The following CAMTA2 variants were observed in gnomAD, a reference collection of about 807,000 sequenced individuals.
CAMTA2 encodes calmodulin-binding transcription activator 2.
A neutral mutation model predicts 135.7 loss-of-function variants in CAMTA2; 56 were observed. The ratio of observed to expected loss-of-function variants is 0.41; its 90% CI spans 0.33 to 0.52. CAMTA2 has a LOEUF of 0.52. Among genes scored for constraint, CAMTA2 ranks in the 20% least tolerant of loss-of-function variants. CAMTA2 has a pLI of 0.16. For missense variants in CAMTA2, 1,358 were observed against 1,553.4 expected (o/e 0.87, Z 2.11); for synonymous variants, 591 against 604.6 (o/e 0.98, Z 0.33).
At position 4,972,341 on chromosome 17, in the gene CAMTA2, G is replaced by C. The variant is rs141604881; in HGVS notation, c.2699C>G (p.Ala900Gly). The C allele has an allele frequency of 1.4e-4, 230 of 1,613,460 alleles. No individual in the cohort carries two copies. The highest frequency in any genetic ancestry group is 1.6e-4 in the Middle Eastern group (1 of 6,084). ...GGAGAGGGGCCCCTTGGAGTTGGTA[G>C]CCTCATAGTCCATGAGGAGTAGGGG... ...EAPLLLMDYE[A>G]TNSKGPLSSL... is the part of the protein sequence containing the mutation. Residue 900 changes from alanine to glycine, a missense_variant, in exon 16 of 23, where the codon GCT becomes GGT. Physicochemically the swap from Ala to Gly is moderately conservative, Grantham distance 60 (BLOSUM62 0). Around this residue, in one of 4 missense-constraint regions of CAMTA2, gnomAD observed 1,077 missense variants for 1,127.5 expected, o/e 0.96. Coordinates refer to ENST00000348066, the MANE Select transcript of CAMTA2 (RefSeq NM_015099.4).
intron 12 of CAMTA2, chr17:4,974,074 CT>C: frequency 1.9e-6 from 1 of 529,868 alleles, no homozygotes; most frequent in Admixed American, 3.4e-5. Flanking sequence ...CCTTAGCCCT[CT>C]TCTTTCAGAA....
chr17:4,979,574 A>G, intron 9 of CAMTA2, 110 bp downstream of exon 9: 1 of 698,618 alleles, frequency 1.4e-6, no homozygotes, highest in Non-Finnish European at 2.4e-6. Flanking sequence ...AAGCCATGAA[A>G]ACTGAGGGAA....
At chr17:4,976,934 T>G in intron 11 of CAMTA2, 124 bp downstream of exon 11, 2 of 922,500 alleles carry the variant, frequency 2.2e-6, no homozygotes, top group Non-Finnish European at 3.2e-6. Flanking sequence ...GAAATAGGAA[T>G]TGAAAAAAAA....
chr17:4,987,663 G>A lies in CAMTA2; in HGVS notation c.-135C>T, dbSNP rs1973454352. On this transcript the variant is annotated 5_prime_UTR_variant, in exon 1 of 23. Coordinates refer to ENST00000348066, the MANE Select transcript of CAMTA2 (RefSeq NM_015099.4). Reference sequence around the variant, plus strand: ...ACACCGACCCCCCCCAGCGCCGGCTGACAGCGGCGTCTAACGTCACTGCGC... The same window carrying A: ...ACACCGACCCCCCCCAGCGCCGGCTAACAGCGGCGTCTAACGTCACTGCGC... The A allele has an allele frequency of 6.6e-7, 1 of 1,519,886 alleles. No homozygotes were observed. The allele number at this position is 1,519,886 out of a possible 1,614,324, so 94.1% of individuals were successfully genotyped here. A position where few individuals can be genotyped will look rare whatever the true frequency, so the allele number is the denominator to read the frequency against.
chr17:4,974,887 A>C (rs558552035), intron 11 of CAMTA2, among the ~76,000 whole-genome samples: 2 of 152,112 alleles, frequency 1.3e-5, no homozygotes, highest in African/African-American at 4.8e-5. Context: ...TTTGTCCCCC[A>C]TGGTGAAGGT....
chr17:4,973,063 G>T, intron 14 of CAMTA2, 72 bp from the exon 15 acceptor site: 1 of 1,509,892 alleles, frequency 6.6e-7, no homozygotes, highest in Non-Finnish European at 9.2e-7. Context: ...CAGGTAGTCA[G>T]GTCTTCAGGC....
In CAMTA2 at chr17:4,979,747, G is replaced by C; in HGVS notation, c.1575C>G (p.Thr525=). The stretch of plus-strand genomic sequence containing the variant: ...TGCTAAGAGCAGGAGACAGCTGGGG[G>C]GTCGGAGCAGGGATGCTTGGAGCTT... The part of the protein sequence containing the change: ...SDEAPSIPAP[T]PQLSPALSTI... Residue 525 remains threonine, a synonymous_variant, in exon 9 of 23, where the codon ACC becomes ACG. Transcript: ENST00000348066. 1 of 1,614,136 alleles carries C rather than the reference G, an allele frequency of 6.2e-7. No individual in the cohort carries two copies. Among genetic ancestry groups the C allele is most frequent in the Non-Finnish European group, 8.5e-7 (1 of 1,180,016 alleles).
intron 11 of CAMTA2, among the ~76,000 whole-genome samples, chr17:4,976,022 T>C (rs1159617791): frequency 6.6e-6 from 1 of 152,256 alleles, no homozygotes; most frequent in Non-Finnish European, 1.5e-5. Flanking sequence ...TTCTTTTTTT[T>C]TGAGACGGAG....
At chr17:4,986,438 G>A in intron 1 of CAMTA2, 152 bp from the exon 2 acceptor site, 1 of 595,464 alleles carries the variant, frequency 1.7e-6, no homozygotes, top group Non-Finnish European at 3.0e-6. Flanking sequence ...GACAGTAGAA[G>A]AGAGAACAAC....
At chr17:4,975,661 A>T (rs1972569410) in intron 11 of CAMTA2, among the ~76,000 whole-genome samples, 1 of 152,148 alleles carries the variant, frequency 6.6e-6, no homozygotes, top group Non-Finnish European at 1.5e-5. Context: ...TCCAAGAGTG[A>T]GGCGAAACTA....
Position 4,979,732 on chromosome 17 carries a change from A to C in CAMTA2, c.1590T>G (p.Pro530=). The C allele has an allele frequency of 1.2e-6, 2 of 1,614,102 alleles. No homozygotes were observed. The highest frequency in any genetic ancestry group is 1.3e-5 in the African/African-American group (1 of 75,042). The stretch of plus-strand genomic sequence containing the variant: ...AGAAGTCTGTGATGGTGCTAAGAGC[A>C]GGAGACAGCTGGGGGGTCGGAGCAG... ...SIPAPTPQLS[P]ALSTITDFSP... is the part of the protein sequence containing the mutation. The change falls in exon 9 of 23, where the codon CCT becomes CCG. Residue 530 remains proline (P), a synonymous_variant. Coordinates refer to ENST00000348066, the MANE Select transcript of CAMTA2 (RefSeq NM_015099.4).
intron 3 of CAMTA2, among the ~76,000 whole-genome samples, 199 bp downstream of exon 3, chr17:4,985,681 C>T (rs1423785764): frequency 6.6e-6 from 1 of 152,202 alleles, no homozygotes; most frequent in Non-Finnish European, 1.5e-5. Flanking sequence ...GCCTCAGCCT[C>T]CCAAAGTGCT....
intron 9 of CAMTA2, 187 bp downstream of exon 9, chr17:4,979,497 C>G (rs1347367551): frequency 7.6e-6 from 3 of 394,808 alleles, no homozygotes; most frequent in South Asian, 4.3e-5. Flanking sequence ...GCAACAAGAG[C>G]GAAACTGTCT....
At chr17:4,987,488 G>A (rs1271215624) in intron 1 of CAMTA2, 105 bp downstream of exon 1, 1 of 1,406,382 alleles carries the variant, frequency 7.1e-7, no homozygotes. Context: ...GGCGAACCGG[G>A]AAGAGGGACG....
In CAMTA2 at chr17:4,987,447, G is replaced by C. The variant is rs1973430150; in HGVS notation, c.-65+146C>G. ...CCTGCGGTGAGCGGCGCCCCCTGGCGCGGGGGAGGAGGACGGAAGCGGGAG... is the reference window on the plus strand; with the variant it reads ...CCTGCGGTGAGCGGCGCCCCCTGGCCCGGGGGAGGAGGACGGAAGCGGGAG... On this transcript the variant is annotated intron_variant, in intron 1 of 22. Coordinates refer to ENST00000348066, the MANE Select transcript of CAMTA2 (RefSeq NM_015099.4). 3.3e-5 allele frequency: 46 copies of C among 1,381,944 alleles called. 1 individual carries two copies. The South Asian group carries it at 7.3e-4, about 22-fold the overall frequency. 85.6% of individuals were successfully genotyped at this position (1,381,944 alleles called of 1,614,324 possible). A position where few individuals can be genotyped will look rare whatever the true frequency, so the allele number is the denominator to read the frequency against.
rs772684864 is a variant in CAMTA2, at chr17:4,969,802, A to G, written c.3189+100T>C. ...GTTCCCCTGACCCTTTACCCCATCC[A>G]AGGCCTGTCTGCACGACTACTCATC... On this transcript the variant is annotated intron_variant, in intron 18 of 22. Coordinates refer to ENST00000348066, the MANE Select transcript of CAMTA2 (RefSeq NM_015099.4). The surrounding 1 kb of genome is among the most constrained non-coding windows in gnomAD (Gnocchi z 5.6). The G allele has an allele frequency of 6.3e-7, 1 of 1,588,572 alleles. No individual in the cohort carries two copies.
chr17:4,972,494 G>A lies in CAMTA2; in HGVS notation c.2546C>T (p.Thr849Ile), dbSNP rs1485025441. 3 of 1,611,544 alleles carry A rather than the reference G, an allele frequency of 1.9e-6. No homozygotes were observed. The highest frequency in any genetic ancestry group is 1.3e-5 in the African/African-American group (1 of 74,896). Reference protein sequence around the residue: ...VSSPSELSDGTFSVTSAYSSA... With the variant: ...VSSPSELSDGIFSVTSAYSSA... The stretch of plus-strand genomic sequence containing the variant: ...AGAATAGGCTGACGTGACGGAAAAG[G>A]TGCCATCCGACAGCTCCGAGGGCGA... Residue 849 changes from threonine (T) to isoleucine (I), a missense_variant, in exon 16 of 23, where the codon ACC (threonine) becomes ATC (isoleucine). By Grantham distance (89) the Thr-to-Ile change is moderately conservative. Transcript: ENST00000348066.
chr17:4,972,638 G>A (rs187896486), intron 15 of CAMTA2, 102 bp from the exon 16 acceptor site: 2 of 1,448,710 alleles, frequency 1.4e-6, no homozygotes, highest in African/African-American at 2.8e-5. Flanking sequence ...GTCTGTTCTT[G>A]CTTCTGTTAT....
rs753849287 is a variant in CAMTA2 at position 4,973,783 on chromosome 17, ACT to A, written c.2017-16_2017-15del. On this transcript the variant is annotated splice_polypyrimidine_tract_variant and intron_variant, in intron 12 of 22. Coordinates refer to ENST00000348066, the MANE Select transcript of CAMTA2 (RefSeq NM_015099.4). ...CTGGCCTTCATCCTGCGATATACACACTCTTAGGCAGAGACCCAGGTATCTAC... is the reference window on the plus strand; with the variant it reads ...CTGGCCTTCATCCTGCGATATACACACTTAGGCAGAGACCCAGGTATCTAC... 1.9e-6 allele frequency: 3 copies of A among 1,572,978 alleles called. No homozygotes were observed. In the East Asian group the frequency reaches 6.8e-5, roughly 36 times the overall value.
Sources: gnomAD v4.1 joint callset for allele counts (sites outside exome capture counted in the v4.1 genomes callset) on GRCh38, gnomAD v4.1.1 for gene constraint, gnomAD v4.1.1 regional missense constraint, Gnocchi (gnomAD v3.1) non-coding constraint, MANE v1.5 for transcripts, NCBI Gene and HGNC (gene_info 2026-07-23, HGNC 2026-07-21) for gene names.